The following DENND3 variants were observed in gnomAD, a reference collection of about 807,000 sequenced individuals.
DENND3 encodes DENN domain-containing protein 3.
Under a neutral mutation model 135.1 loss-of-function variants are expected in DENND3, and 88 were observed. That is an observed-to-expected ratio of 0.65 (90% CI 0.55 to 0.78). DENND3 has a LOEUF of 0.78. Among genes scored for constraint, DENND3 ranks in the 30% least tolerant of loss-of-function variants. The pLI, the probability that DENND3 is intolerant of heterozygous loss-of-function variation, is 0.00. For synonymous variants in DENND3, 693 were observed against 712.3 expected, an observed-to-expected ratio of 0.97 and a Z score of 0.43; for missense variants, 1,392 against 1,688.4, an observed-to-expected ratio of 0.82 and a Z score of 3.08.
intron 5 of DENND3, 119 bp from the exon 6 acceptor site, chr8:141,150,715 G>A: frequency 7.7e-7 from 1 of 1,291,422 alleles, no homozygotes; most frequent in Non-Finnish European, 1.0e-6. Flanking sequence ...GTGGCAGCCT[G>A]TGTCTTCAGA....
At position 141,138,145 on chromosome 8, in the gene DENND3, G is replaced by A. The variant is rs1215925798; in HGVS notation, c.501+8G>A. 1.3e-6 allele frequency: 2 copies of A among 1,594,398 alleles called. No individual in the cohort carries two copies. Among genetic ancestry groups the A allele is most frequent in the Non-Finnish European group, 8.6e-7 (1 of 1,169,060 alleles). On this transcript the variant is annotated splice_region_variant and intron_variant, in intron 3 of 22. Transcript: ENST00000519811. The surrounding 1 kb of genome is among the most constrained non-coding windows in gnomAD (Gnocchi z 4.8). Reference sequence around the variant, plus strand: ...TACTACCGGCCCCTGCATGTAGGTGGTTCCCGTTACTCCCCTCTGAAATTG... The same window carrying A: ...TACTACCGGCCCCTGCATGTAGGTGATTCCCGTTACTCCCCTCTGAAATTG...
rs972013422 is a variant in DENND3 at position 141,176,472 on chromosome 8, G to A, written c.2536-119G>A. 4.8e-6 allele frequency: 6 copies of A among 1,244,640 alleles called. No individual in the cohort carries two copies. In the African/African-American group the frequency reaches 6.1e-5, roughly 13 times the overall value. 77.1% of individuals were successfully genotyped at this position (1,244,640 alleles called of 1,614,324 possible). On this transcript the variant is annotated intron_variant, in intron 14 of 22. Coordinates refer to ENST00000519811, the MANE Select transcript of DENND3 (RefSeq NM_001352890.3). ...GGGCCCTGCCTTCCACATGCCAGCA[G>A]GATGCGTGCCTGCAGCCCATCTGCC...
At position 141,176,762 on chromosome 8, in the gene DENND3, G is replaced by T. The variant is rs889353036; in HGVS notation, c.2706+1G>T. 1 of 1,612,454 alleles carries T rather than the reference G, an allele frequency of 6.2e-7. No homozygotes were observed. The highest frequency in any genetic ancestry group is 8.5e-7 in the Non-Finnish European group (1 of 1,178,822). On this transcript the variant is annotated splice_donor_variant, in intron 15 of 22. Coordinates refer to ENST00000519811, the MANE Select transcript of DENND3 (RefSeq NM_001352890.3). LOFTEE classifies it high-confidence loss of function. ...GAAGAAGCTGGCCGATGACCACAAGGTGGGAGACGCGGGTCCCCTCTGCCC... is the reference window on the plus strand; with the variant it reads ...GAAGAAGCTGGCCGATGACCACAAGTTGGGAGACGCGGGTCCCCTCTGCCC...
chr8:141,192,724 T>C, intron 22 of DENND3, 61 bp downstream of exon 22: 1 of 1,608,720 alleles, frequency 6.2e-7, no homozygotes, highest in Non-Finnish European at 8.5e-7. Flanking sequence ...CCTGGCCGCA[T>C]CCCCATGCTC....
intron 15 of DENND3, chr8:141,177,682 G>A (rs77748949): frequency 0.018 from 2,973 of 167,236 alleles, 113 homozygotes; most frequent in African/African-American, 0.067. Flanking sequence ...ACCAAAGCCC[G>A]TGGGCCAGTG....
At chr8:141,187,432 T>C (rs1824039816) in intron 18 of DENND3, among the ~76,000 whole-genome samples, 1 of 152,078 alleles carries the variant, frequency 6.6e-6, no homozygotes, top group African/African-American at 2.4e-5. Flanking sequence ...ACCGTGCTGC[T>C]CAGGCTGGTC....
chr8:141,142,142 A>G, intron 4 of DENND3: 6 of 337,704 alleles, frequency 1.8e-5, no homozygotes, highest in Non-Finnish European at 5.8e-6. Flanking sequence ...ATCGTATAGA[A>G]CCCAGTGGGC....
intron 18 of DENND3, chr8:141,185,492 T>C: frequency 3.5e-6 from 2 of 572,192 alleles, no homozygotes; most frequent in Non-Finnish European, 5.8e-6. Context: ...AAGGAGAAGA[T>C]AATGGCTTTG....
At position 141,176,684 on chromosome 8, in the gene DENND3, C is replaced by T. The variant is rs1334995405; in HGVS notation, c.2629C>T (p.Leu877=). Residue 877 remains leucine (L), a synonymous_variant, in exon 15 of 23, where the codon CTG becomes TTG. Coordinates refer to ENST00000519811, the MANE Select transcript of DENND3 (RefSeq NM_001352890.3). ...ASKKEVFEAN[L]KTECDLWHLM... ...CAAGAAAGAAGTCTTCGAAGCCAAC[C>T]TGAAAACCGAGTGTGACCTTTGGCA... 9.9e-6 allele frequency: 16 copies of T among 1,614,240 alleles called. No individual in the cohort carries two copies. Among genetic ancestry groups the T allele is most frequent in the Non-Finnish European group, 1.4e-5 (16 of 1,180,040 alleles).
chr8:141,183,739 T>C (rs1177542048), intron 17 of DENND3, among the ~76,000 whole-genome samples: 5 of 143,366 alleles, frequency 3.5e-5, no homozygotes, highest in African/African-American at 1.5e-4. Context: ...TTGTTTTGTT[T>C]TTTTTTTTTT....
At chr8:141,184,951 G>A (rs1331931551) in intron 17 of DENND3, 188 bp from the exon 18 acceptor site, 7 of 624,390 alleles carry the variant, frequency 1.1e-5, no homozygotes, top group Non-Finnish European at 1.6e-5. Context: ...CCAGCCAGCT[G>A]CCCCCCTTGA....
At chr8:141,186,760 C>G (rs915311548) in intron 18 of DENND3, among the ~76,000 whole-genome samples, 1 of 152,188 alleles carries the variant, frequency 6.6e-6, no homozygotes, top group African/African-American at 2.4e-5. Flanking sequence ...ACCATGGTAT[C>G]TTGAGTGTGG....
At chr8:141,129,016 C>T (rs1009489543) in intron 1 of DENND3, among the ~76,000 whole-genome samples, 2 of 152,240 alleles carry the variant, frequency 1.3e-5, no homozygotes, top group Non-Finnish European at 2.9e-5. Context: ...CTGCTCCCCT[C>T]CCCTCTTCTC....
intron 13 of DENND3, among the ~76,000 whole-genome samples, chr8:141,173,125 A>AG (rs1392068524): frequency 6.8e-6 from 1 of 146,138 alleles, no homozygotes; most frequent in Non-Finnish European, 1.5e-5. Context: ...GAGTCAGGAG[A>AG]GGACCCCCAT....
At chr8:141,178,293 C>T in intron 16 of DENND3, 97 bp downstream of exon 16, 1 of 1,458,628 alleles carries the variant, frequency 6.9e-7, no homozygotes, top group South Asian at 1.4e-5. Flanking sequence ...TAGAACCGAG[C>T]CCAGCTCCCC....
rs1323787018 is a variant in DENND3, at chr8:141,128,946, C to A, written c.102+137C>A. ...TGAGTCCCGGTCCCCCGGCGGTGAC[C>A]CCGCGCGCCTGTGGCCGGGGATCGC... On this transcript the variant is annotated intron_variant, in intron 1 of 22. Coordinates refer to ENST00000519811, the MANE Select transcript of DENND3 (RefSeq NM_001352890.3). The surrounding 1 kb of genome is among the most constrained non-coding windows in gnomAD (Gnocchi z 4.5). 6.3e-6 allele frequency: 4 copies of A among 632,886 alleles called. No homozygotes were observed. The highest frequency in any genetic ancestry group is 3.4e-5 in the South Asian group (1 of 29,592). 39.2% of individuals were successfully genotyped at this position (632,886 alleles called of 1,614,324 possible).
intron 15 of DENND3, chr8:141,177,386 A>T (rs1284779038): frequency 1.3e-5 from 2 of 152,852 alleles, no homozygotes; most frequent in African/African-American, 4.8e-5. Context: ...GGCAAAGACC[A>T]TGAACGCGGA....
chr8:141,130,609 T>C lies in DENND3; in HGVS notation c.102+1800T>C, dbSNP rs1370471845. ...CTACTTTTAAGGTCAATATTAATGT[T>C]ATAGTTAACCAAACATATGATTTTA... On this transcript the variant is annotated intron_variant, in intron 1 of 22. Transcript: ENST00000519811. This position sits in a 1 kb window ranked among gnomAD's most constrained non-coding sequence, Gnocchi z 4.2. 6.6e-6 allele frequency among the ~76,000 whole-genome samples: 1 copy of C among 152,320 alleles called. No individual in the cohort carries two copies. The highest frequency in any genetic ancestry group is 1.9e-4 in the East Asian group (1 of 5,192).
rs1822051959 is a variant in DENND3, at chr8:141,174,393, CAG to C, written c.2276-800_2276-799del. 6.6e-6 allele frequency among the ~76,000 whole-genome samples: 1 copy of C among 152,016 alleles called. No homozygotes were observed. The highest frequency in any genetic ancestry group is 2.1e-4 in the South Asian group (1 of 4,818). On this transcript the variant is annotated intron_variant, in intron 13 of 22. Transcript: ENST00000519811. The surrounding 1 kb of genome is among the most constrained non-coding windows in gnomAD (Gnocchi z 4.6). ...GGGGGACTTGCTGCACGTCAGGGGA[CAG>C]AGAGAGGGACACTGGGTGGAGGCAG...
Sources: allele counts gnomAD v4.1 joint callset (sites outside exome capture counted in the v4.1 genomes callset), GRCh38; gene constraint gnomAD v4.1.1; non-coding constraint Gnocchi (gnomAD v3.1); transcripts MANE v1.5; gene names NCBI Gene and HGNC (gene_info 2026-07-23, HGNC 2026-07-21).